The following SLC47A1 variants were observed in gnomAD, a reference collection of about 807,000 sequenced individuals.
SLC47A1 encodes multidrug and toxin extrusion protein 1.
In SLC47A1, 58 loss-of-function variants were observed where a neutral mutation model predicts 65.8. The observed-to-expected ratio is 0.88, with a 90% CI of 0.71 to 1.10. The LOEUF (loss-of-function observed/expected upper bound fraction) is 1.10, where lower values mean the gene tolerates loss of function less well. SLC47A1 is among the 50% of genes least tolerant of loss of function. The pLI is 0.00. For missense variants in SLC47A1, 706 were observed against 719.2 expected (o/e 0.98, Z 0.21); for synonymous variants, 285 against 295.0 (o/e 0.97, Z 0.35).
rs577048610 is a variant in SLC47A1, at chr17:19,542,124, C to CA, written c.136-260dup. ...CAGGTGACAGTGTGAGACTCTGTCT[C>CA]AAAAAAAAAGAAAAGCTGAAAAGGC... On this transcript the variant is annotated intron_variant, in intron 1 of 16. Transcript: ENST00000270570. Among the ~76,000 whole-genome samples, 941 of 149,422 alleles carry CA rather than the reference C, an allele frequency of 6.3e-3. 10 individuals carry two copies. Among genetic ancestry groups the CA allele is most frequent in the African/African-American group, 0.022 (895 of 40,674 alleles).
chr17:19,553,296 A>G (rs1457082204), intron 6 of SLC47A1, among the ~76,000 whole-genome samples: 1 of 152,154 alleles, frequency 6.6e-6, no homozygotes, highest in Non-Finnish European at 1.5e-5. Context: ...ATGGAGACGC[A>G]TGCGTGTTGC....
At chr17:19,563,148 T>A (rs1417680177) in intron 12 of SLC47A1, among the ~76,000 whole-genome samples, 1 of 147,598 alleles carries the variant, frequency 6.8e-6, no homozygotes, top group Admixed American at 6.7e-5. Flanking sequence ...TTTTTTTTTT[T>A]TTTTGACGGA....
In SLC47A1 at chr17:19,546,490, C is replaced by A. The variant is rs905481931; in HGVS notation, c.293C>A (p.Thr98Asn). The part of the protein sequence containing the change: ...VGFGLSSACD[T>N]LISQTYGSQN... The stretch of plus-strand genomic sequence containing the variant: ...TTCGGCTTATCTTCTGCCTGTGACA[C>A]CCTCATCTCCCAGGTAAATGGAAGT... The change falls in exon 3 of 17, where the codon ACC becomes AAC. Residue 98 changes from threonine (T) to asparagine (N), a missense_variant. Coordinates refer to ENST00000270570, the MANE Select transcript of SLC47A1 (RefSeq NM_018242.3). 1.2e-6 allele frequency: 2 copies of A among 1,613,496 alleles called. No homozygotes were observed. Among genetic ancestry groups the A allele is most frequent in the East Asian group, 2.2e-5 (1 of 44,886 alleles).
At chr17:19,542,146 A>C (rs1173401164) in intron 1 of SLC47A1, among the ~76,000 whole-genome samples, 1 of 152,094 alleles carries the variant, frequency 6.6e-6, no homozygotes, top group Non-Finnish European at 1.5e-5. Flanking sequence ...AAAGCTGAAA[A>C]GGCTGGGAAG....
Position 19,578,582 on chromosome 17 carries a change from T to G in SLC47A1, c.*1029T>G. ...CTGGGGTGCGGTACACACCGTTAAT[T>G]CAGCAACCCTCAGTACATACTAAGT... On this transcript the variant is annotated 3_prime_UTR_variant, in exon 17 of 17. Transcript: ENST00000270570. The G allele has an allele frequency of 6.4e-6, 1 of 155,538 alleles. No individual in the cohort carries two copies. The highest frequency in any genetic ancestry group is 1.4e-5 in the Non-Finnish European group (1 of 70,210). 9.6% of individuals were successfully genotyped at this position (155,538 alleles called of 1,614,324 possible). A position where few individuals can be genotyped will look rare whatever the true frequency, so the allele number is the denominator to read the frequency against.
intron 3 of SLC47A1, among the ~76,000 whole-genome samples, chr17:19,547,307 A>T (rs1916314626): frequency 7.1e-6 from 1 of 140,024 alleles, no homozygotes; most frequent in Non-Finnish European, 1.5e-5. Flanking sequence ...GCCTCCCAAC[A>T]TGTTGGGATT....
At chr17:19,553,714 G>C (rs555957048) in intron 6 of SLC47A1, among the ~76,000 whole-genome samples, 6 of 152,098 alleles carry the variant, frequency 3.9e-5, no homozygotes, top group Admixed American at 3.3e-4. Flanking sequence ...GCTAGTTTTT[G>C]TATTTTTAGT....
chr17:19,555,750 A>C (rs1223722490), intron 8 of SLC47A1, 46 bp from the exon 9 acceptor site: 1 of 1,613,454 alleles, frequency 6.2e-7, no homozygotes, highest in Non-Finnish European at 8.5e-7. Flanking sequence ...GTTGAGTTCC[A>C]GCCCGATGGC....
chr17:19,574,337 G>A (rs899597195), intron 16 of SLC47A1, among the ~76,000 whole-genome samples: 1 of 152,094 alleles, frequency 6.6e-6, no homozygotes, highest in African/African-American at 2.4e-5. Flanking sequence ...CCTGGTCAGC[G>A]TCTCAGTCAT....
intron 6 of SLC47A1, 68 bp downstream of exon 6, chr17:19,551,536 C>A (rs2152313860): frequency 7.1e-7 from 1 of 1,414,372 alleles, no homozygotes; most frequent in Non-Finnish European, 1.0e-6. Context: ...AATGGGGGCC[C>A]TGAAGATACT....
At chr17:19,554,819 T>C (rs1597501572) in intron 6 of SLC47A1, among the ~76,000 whole-genome samples, 1 of 152,176 alleles carries the variant, frequency 6.6e-6, no homozygotes, top group African/African-American at 2.4e-5. Context: ...TTAGGTCAAT[T>C]TTCTGAATTT....
intron 16 of SLC47A1, 42 bp downstream of exon 16, chr17:19,572,903 G>A: frequency 6.4e-7 from 1 of 1,572,700 alleles, no homozygotes; most frequent in Non-Finnish European, 8.8e-7. Context: ...GCCTGTCTAG[G>A]TAGGACTGGA....
intron 6 of SLC47A1, 120 bp from the exon 7 acceptor site, chr17:19,555,089 GCCC>G: frequency 1.2e-6 from 1 of 816,584 alleles, no homozygotes; most frequent in South Asian, 1.5e-5. Flanking sequence ...CCCCAGTTAA[GCCC>G]CCCAGCTATG....
chr17:19,554,941 A>G (rs1194256138), intron 6 of SLC47A1, among the ~76,000 whole-genome samples: 1 of 152,060 alleles, frequency 6.6e-6, no homozygotes, highest in Non-Finnish European at 1.5e-5. Context: ...TAAGCCATTT[A>G]TCTTCTTCCT....
intron 14 of SLC47A1, among the ~76,000 whole-genome samples, chr17:19,570,443 G>T (rs768109432): frequency 2.6e-4 from 40 of 152,208 alleles, no homozygotes; most frequent in Non-Finnish European, 4.6e-4. Context: ...GTTGATCTGG[G>T]GGATGCTGGA....
At chr17:19,538,019 T>A (rs1257616720) in intron 1 of SLC47A1, among the ~76,000 whole-genome samples, 3 of 152,222 alleles carry the variant, frequency 2.0e-5, no homozygotes, top group Non-Finnish European at 4.4e-5. Flanking sequence ...GCTGTGTTAT[T>A]TATTGCGTTT....
chr17:19,563,393 A>C (rs1035387752), intron 12 of SLC47A1, among the ~76,000 whole-genome samples: 1 of 151,884 alleles, frequency 6.6e-6, no homozygotes, highest in Non-Finnish European at 1.5e-5. Flanking sequence ...CGGCCTCCCA[A>C]AGTGCTGGGA....
intron 10 of SLC47A1, 146 bp from the exon 11 acceptor site, chr17:19,560,042 A>C: frequency 1.6e-6 from 1 of 614,240 alleles, no homozygotes. Flanking sequence ...GTTCCCGGCT[A>C]GACAAAGGGG....
In SLC47A1 at chr17:19,560,470, G is replaced by A. The variant is rs1469245481; in HGVS notation, c.1083G>A (p.Val361=). 1.2e-6 allele frequency: 2 copies of A among 1,614,164 alleles called. No individual in the cohort carries two copies. Among genetic ancestry groups the A allele is most frequent in the Non-Finnish European group, 1.7e-6 (2 of 1,180,032 alleles). The part of the protein sequence containing the change: ...SVLLLSCKDH[V]GYIFTTDRDI... ...TGCTGTTAAGCTGTAAGGATCACGT[G>A]GGGTACATTTTTACTACCGACCGGT... The change falls in exon 12 of 17, where the codon GTG becomes GTA. Residue 361 remains valine (V), a synonymous_variant. Coordinates refer to ENST00000270570, the MANE Select transcript of SLC47A1 (RefSeq NM_018242.3).
Sources: allele counts gnomAD v4.1 joint callset (sites outside exome capture counted in the v4.1 genomes callset), GRCh38; gene constraint gnomAD v4.1.1; transcripts MANE v1.5; gene names NCBI Gene and HGNC (gene_info 2026-07-23, HGNC 2026-07-21).